Variants in CHD2 observed in about 807,000 individuals in gnomAD.
CHD2 encodes chromodomain helicase DNA binding protein 2, also known as ATP-dependent chromatin remodeler CHD2.
Under a neutral mutation model 243.9 loss-of-function variants are expected in CHD2, and 28 were observed. The ratio of observed to expected loss-of-function variants is 0.11; its 90% CI spans 0.09 to 0.16. The LOEUF is 0.16. Ranked by LOEUF, CHD2 falls within the 10% of genes least tolerant of loss-of-function variation. The probability of loss-of-function intolerance (pLI) is 1.00; values close to 1 mark genes in which losing one functional copy is unlikely to be tolerated. For missense variants in CHD2, 1,386 were observed against 2,209.8 expected (o/e 0.63, Z 7.47); for synonymous variants, 775 against 779.0 (o/e 0.99, Z 0.09).
In CHD2 at chr15:92,951,155, G is replaced by A. The variant is rs1334868856; in HGVS notation, c.1502+2079G>A. ...GTGTTTTGTGTACAGTCCTTGGCCA[G>A]CATTTTTTAGACTTTTTATTTTTTA... On this transcript the variant is annotated intron_variant, in intron 13 of 38. Transcript: ENST00000394196. Among the ~76,000 whole-genome samples the A allele has an allele frequency of 2.6e-5, 4 of 152,120 alleles. No homozygotes were observed. The East Asian group carries it at 7.7e-4, about 29-fold the overall frequency.
At chr15:92,957,869 T>C (rs911281192) in intron 16 of CHD2, among the ~76,000 whole-genome samples, 1 of 152,160 alleles carries the variant, frequency 6.6e-6, no homozygotes, top group African/African-American at 2.4e-5. Context: ...AGCTTTTGTC[T>C]CTAGAGATTT....
At chr15:92,929,572 G>C (rs1372986527) in intron 5 of CHD2, among the ~76,000 whole-genome samples, 4 of 151,806 alleles carry the variant, frequency 2.6e-5, no homozygotes, top group Non-Finnish European at 5.9e-5. Context: ...TTTAATTTGT[G>C]GACTTAATGT....
chr15:92,909,781 T>C (rs1415294126), intron 2 of CHD2, among the ~76,000 whole-genome samples: 4 of 151,970 alleles, frequency 2.6e-5, no homozygotes, highest in Non-Finnish European at 5.9e-5. Context: ...CCTCCGAAAG[T>C]GCTGGGATTA....
chr15:92,970,700 A>C (rs146597174), intron 17 of CHD2, among the ~76,000 whole-genome samples: 2 of 152,296 alleles, frequency 1.3e-5, no homozygotes, highest in Admixed American at 1.3e-4. Context: ...TAGCTTATAG[A>C]GATAGGCCTT....
At chr15:92,907,281 A>G (rs2052641134) in intron 2 of CHD2, among the ~76,000 whole-genome samples, 1 of 152,168 alleles carries the variant, frequency 6.6e-6, no homozygotes, top group Non-Finnish European at 1.5e-5. Flanking sequence ...TTAGCATTTT[A>G]TTGTTAATAT....
At chr15:93,022,088 C>T (rs2141897611) in intron 38 of CHD2, 1 of 152,378 alleles carries the variant, frequency 6.6e-6, no homozygotes, top group Middle Eastern at 3.4e-3. Context: ...TCATTGCACT[C>T]TACCCAATTG....
Position 92,961,586 on chromosome 15 carries a change from G to C in CHD2, c.2000+4937G>C, listed in dbSNP as rs900883595. On this transcript the variant is annotated intron_variant, in intron 16 of 38. Transcript: ENST00000394196. ...AGCTAATTTTTAAAATTTATTTTTT[G>C]TTATTTGTAGAGATGGGTTCTTGCT... 5.3e-5 allele frequency among the ~76,000 whole-genome samples: 8 copies of C among 151,870 alleles called. No homozygotes were observed. The East Asian group carries it at 1.4e-3, about 26-fold the overall frequency.
chr15:93,014,646 G>C (rs1268453117), intron 36 of CHD2, 50 bp from the exon 37 acceptor site: 1 of 1,532,042 alleles, frequency 6.5e-7, no homozygotes, highest in Non-Finnish European at 9.0e-7. Flanking sequence ...TCTTCTCTGG[G>C]GAATTAAGCC....
chr15:93,013,335 A>G (rs984146270), intron 36 of CHD2, among the ~76,000 whole-genome samples: 3 of 152,232 alleles, frequency 2.0e-5, no homozygotes, highest in African/African-American at 7.2e-5. Flanking sequence ...TGAAATAGTT[A>G]GGAAAGGCCC....
In CHD2 at chr15:92,924,531, A is replaced by G; in HGVS notation, c.273A>G (p.Glu91=). 1.2e-6 allele frequency: 2 copies of G among 1,614,120 alleles called. No individual in the cohort carries two copies. The highest frequency in any genetic ancestry group is 1.7e-6 in the Non-Finnish European group (2 of 1,179,982). The change falls in exon 3 of 39, where the codon GAA becomes GAG. Residue 91 remains glutamate, a synonymous_variant. Coordinates refer to ENST00000394196, the MANE Select transcript of CHD2 (RefSeq NM_001271.4). The part of the protein sequence containing the change: ...EAKEKPASKK[E]RIADVKKMWE... ...AAGAGAAGCCAGCCTCTAAGAAGGA[A>G]CGGATAGCTGATGTGAAGAAGGTAT...
chr15:92,993,123 T>G (rs1001148968), intron 28 of CHD2, 125 bp downstream of exon 28: 2 of 981,872 alleles, frequency 2.0e-6, no homozygotes, highest in Admixed American at 2.3e-5. Context: ...AGGTGTTTAT[T>G]CTGAGCTGCG....
chr15:92,958,376 C>G (rs2053643093), intron 16 of CHD2, among the ~76,000 whole-genome samples: 1 of 152,150 alleles, frequency 6.6e-6, no homozygotes, highest in Non-Finnish European at 1.5e-5. Flanking sequence ...TTCATGTGTT[C>G]ATTAGCCATT....
intron 2 of CHD2, among the ~76,000 whole-genome samples, chr15:92,908,378 C>G (rs181893413): frequency 1.6e-4 from 25 of 152,180 alleles, no homozygotes; most frequent in African/African-American, 5.8e-4. Flanking sequence ...TCTGCTTAAA[C>G]TATAGTCTTA....
intron 9 of CHD2, 187 bp from the exon 10 acceptor site, chr15:92,944,228 A>G (rs1268240018): frequency 1.6e-5 from 7 of 445,334 alleles, no homozygotes; most frequent in East Asian, 6.8e-5. Context: ...AGTGTTCTCT[A>G]AAAGTGTTTT....
intron 24 of CHD2, among the ~76,000 whole-genome samples, chr15:92,983,924 T>C (rs1049812943): frequency 2.6e-5 from 4 of 152,214 alleles, no homozygotes; most frequent in Non-Finnish European, 5.9e-5. Flanking sequence ...TTGTTTCAAA[T>C]GAACTCTATA....
chr15:92,975,142 T>G (rs1025872103), intron 20 of CHD2, among the ~76,000 whole-genome samples, 192 bp downstream of exon 20: 1 of 152,208 alleles, frequency 6.6e-6, no homozygotes, highest in Non-Finnish European at 1.5e-5. Flanking sequence ...ATGTGCTTAT[T>G]TATCTCCCCT....
At chr15:92,950,308 C>G (rs758617652) in intron 13 of CHD2, 4 of 152,156 alleles carry the variant, frequency 2.6e-5, no homozygotes, top group African/African-American at 4.8e-5. Context: ...GTTATTTATT[C>G]TTTAACAAAA....
At chr15:92,971,683 C>A in intron 17 of CHD2, 82 bp from the exon 18 acceptor site, 1 of 1,252,850 alleles carries the variant, frequency 8.0e-7, no homozygotes, top group Non-Finnish European at 1.1e-6. Flanking sequence ...CACAATACTA[C>A]TACTATCTCT....
Position 92,974,357 on chromosome 15 carries a change from A to T in CHD2, c.2506-522A>T, listed in dbSNP as rs533627665. Among the ~76,000 whole-genome samples the T allele has an allele frequency of 5.3e-5, 8 of 152,294 alleles. No homozygotes were observed. The East Asian group carries it at 1.5e-3, about 29-fold the overall frequency. On this transcript the variant is annotated intron_variant, in intron 19 of 38. Transcript: ENST00000394196. ...GAGTGTAATTTTTGGCAAAGCTGGGATATATGATCAATTTTAACATTTTCA... is the reference window on the plus strand; with the variant it reads ...GAGTGTAATTTTTGGCAAAGCTGGGTTATATGATCAATTTTAACATTTTCA...
Sources: gnomAD v4.1 joint callset for allele counts (sites outside exome capture counted in the v4.1 genomes callset) on GRCh38, gnomAD v4.1.1 for gene constraint, MANE v1.5 for transcripts, NCBI Gene and HGNC (gene_info 2026-07-23, HGNC 2026-07-21) for gene names.